Variants in DPYD observed in about 807,000 individuals in gnomAD.
DPYD encodes the protein dihydropyrimidine dehydrogenase [NADP(+)].
A neutral mutation model predicts 116.2 loss-of-function variants in DPYD; 109 were observed. The observed-to-expected ratio is 0.94, with a 90% confidence interval of 0.80 to 1.10. The LOEUF (loss-of-function observed/expected upper bound fraction) is 1.10. Among genes scored for constraint, DPYD ranks in the 50% least tolerant of loss-of-function variants. DPYD has a pLI of 0.00. For synonymous variants in DPYD, 440 were observed against 432.0 expected (o/e 1.02, Z -0.23); for missense variants, 1,302 against 1,254.5 (o/e 1.04, Z -0.57).
At chr1:97,499,808 A>G (rs1439801747) in intron 13 of DPYD, among the ~76,000 whole-genome samples, 1 of 151,950 alleles carries the variant, frequency 6.6e-6, no homozygotes, top group Non-Finnish European at 1.5e-5. Context: ...TTCAAGTTTT[A>G]TTTACACAAT....
chr1:97,650,759 T>C (rs1658535556), intron 8 of DPYD, among the ~76,000 whole-genome samples: 1 of 152,102 alleles, frequency 6.6e-6, no homozygotes, highest in African/African-American at 2.4e-5. Flanking sequence ...TTCTTTATCA[T>C]TCCTATTATG....
intron 18 of DPYD, among the ~76,000 whole-genome samples, chr1:97,251,383 ACT>A (rs1344809371): frequency 3.7e-5 from 5 of 135,510 alleles, no homozygotes; most frequent in Non-Finnish European, 7.8e-5. Flanking sequence ...CAAGAGTGAA[ACT>A]CTGTCTAAAA....
At chr1:97,209,774 T>G (rs1010971409) in intron 19 of DPYD, among the ~76,000 whole-genome samples, 1 of 152,148 alleles carries the variant, frequency 6.6e-6, no homozygotes, top group African/African-American at 2.4e-5. Context: ...TATTATAATA[T>G]CTGACAGGTC....
intron 2 of DPYD, among the ~76,000 whole-genome samples, chr1:97,877,480 C>T (rs556774203): frequency 6.6e-6 from 1 of 152,010 alleles, no homozygotes; most frequent in African/African-American, 2.4e-5. Context: ...GGTCACGTGA[C>T]TTGCATGCCT....
intron 19 of DPYD, among the ~76,000 whole-genome samples, chr1:97,203,507 T>A (rs1011850749): frequency 6.6e-6 from 1 of 150,894 alleles, no homozygotes; most frequent in Non-Finnish European, 1.5e-5. Flanking sequence ...CGGGATAGCA[T>A]TGGGAGATAT....
At chr1:97,113,198 C>A (rs868856564) in intron 20 of DPYD, among the ~76,000 whole-genome samples, 1 of 152,198 alleles carries the variant, frequency 6.6e-6, no homozygotes, top group Middle Eastern at 3.4e-3. Flanking sequence ...TATCTATATT[C>A]TACCCCAATA....
intron 18 of DPYD, among the ~76,000 whole-genome samples, chr1:97,260,415 T>C (rs894193922): frequency 6.6e-6 from 1 of 152,060 alleles, no homozygotes; most frequent in Non-Finnish European, 1.5e-5. Context: ...TATAGAGATA[T>C]AGCCAAAAAA....
intron 20 of DPYD, among the ~76,000 whole-genome samples, chr1:97,126,459 T>C (rs1242378964): frequency 1.3e-5 from 2 of 152,084 alleles, no homozygotes; most frequent in African/African-American, 4.8e-5. Context: ...TAATGTTCCA[T>C]TACATATCAT....
chr1:97,591,341 A>G (rs2102245625), intron 10 of DPYD, among the ~76,000 whole-genome samples: 1 of 152,296 alleles, frequency 6.6e-6, no homozygotes, highest in Admixed American at 6.5e-5. Flanking sequence ...TTGTTTAATT[A>G]TTGGGTATCT....
intron 14 of DPYD, among the ~76,000 whole-genome samples, chr1:97,447,018 T>G (rs1306987207): frequency 6.6e-6 from 1 of 152,078 alleles, no homozygotes; most frequent in Non-Finnish European, 1.5e-5. Context: ...CTGTGACAAT[T>G]CAGAGATGAG....
At chr1:97,296,204 T>C (rs531797584) in intron 18 of DPYD, 14 of 152,310 alleles carry the variant, frequency 9.2e-5, no homozygotes, top group South Asian at 2.1e-4. Context: ...ATTCTAATGA[T>C]TGAGTGACAA....
rs184095648 is a variant in DPYD, at chr1:97,531,001, A to G, written c.1525-15060T>C. Among the ~76,000 whole-genome samples, 402 of 151,256 alleles carry G rather than the reference A, an allele frequency of 2.7e-3. 4 individuals are homozygous for G. The highest frequency in any genetic ancestry group is 9.4e-3 in the African/African-American group (381 of 40,622). ...TGCTATTGAATTTTAAAAGTTTCTTATATTTTTTGGAAATTAACTGCTGGT... is the reference window on the plus strand; with the variant it reads ...TGCTATTGAATTTTAAAAGTTTCTTGTATTTTTTGGAAATTAACTGCTGGT... On this transcript the variant is annotated intron_variant, in intron 12 of 22. Coordinates refer to ENST00000370192, the MANE Select transcript of DPYD (RefSeq NM_000110.4).
chr1:97,446,244 C>T (rs895501721), intron 14 of DPYD, among the ~76,000 whole-genome samples: 4 of 152,084 alleles, frequency 2.6e-5, no homozygotes, highest in African/African-American at 2.4e-5. Context: ...ATTACTATAT[C>T]GTATATTTTA....
At position 97,573,835 on chromosome 1, in the gene DPYD, C is replaced by G. The variant is rs766700777; in HGVS notation, c.1264G>C (p.Asp422His). Residue 422 changes from aspartate (D) to histidine (H), a missense_variant, in exon 11 of 23, where the codon GAT becomes CAT. Coordinates refer to ENST00000370192, the MANE Select transcript of DPYD (RefSeq NM_000110.4). ...TTCAGATGGACCATCTGATCTTCAT[C>G]TTCATTCCATTTTCCAGTTTCATCT... is the stretch of plus-strand genomic sequence containing the variant. Reference protein sequence around the residue: ...EQDETGKWNEDEDQMVHLKAD... With the variant: ...EQDETGKWNEHEDQMVHLKAD... The G allele has an allele frequency of 3.1e-6, 5 of 1,613,674 alleles. No individual in the cohort carries two copies. Among genetic ancestry groups the G allele is most frequent in the Non-Finnish European group, 4.2e-6 (5 of 1,179,672 alleles).
At chr1:97,137,718 C>G (rs1653919250) in intron 20 of DPYD, among the ~76,000 whole-genome samples, 1 of 152,152 alleles carries the variant, frequency 6.6e-6, no homozygotes. Flanking sequence ...GCGCTGCAAG[C>G]AGGCCTAAAG....
At chr1:97,814,486 A>C (rs1482482962) in intron 3 of DPYD, among the ~76,000 whole-genome samples, 1 of 152,182 alleles carries the variant, frequency 6.6e-6, no homozygotes, top group Non-Finnish European at 1.5e-5. Context: ...GTAGCAGGGG[A>C]GAAACAAAAC....
chr1:97,535,296 A>C lies in DPYD; in HGVS notation c.1524+14264T>G, dbSNP rs147479894. Among the ~76,000 whole-genome samples, 815 of 152,300 alleles carry C rather than the reference A, an allele frequency of 5.4e-3. 10 individuals are homozygous for C. The highest frequency in any genetic ancestry group is 0.018 in the African/African-American group (761 of 41,572). ...ATTTTGTATTTAAATTCTCCACAGCAAACTAAAGATTTTGGGTGTTTTGTT... is the reference window on the plus strand; with the variant it reads ...ATTTTGTATTTAAATTCTCCACAGCCAACTAAAGATTTTGGGTGTTTTGTT... On this transcript the variant is annotated intron_variant, in intron 12 of 22. Coordinates refer to ENST00000370192, the MANE Select transcript of DPYD (RefSeq NM_000110.4).
intron 21 of DPYD, among the ~76,000 whole-genome samples, chr1:97,098,130 A>G (rs997846439): frequency 1.3e-5 from 2 of 152,070 alleles, no homozygotes; most frequent in African/African-American, 4.8e-5. Context: ...TTGATAATTG[A>G]GTTGTACTAC....
chr1:97,407,468 C>T (rs79213791), intron 14 of DPYD, among the ~76,000 whole-genome samples: 10 of 152,096 alleles, frequency 6.6e-5, no homozygotes, highest in South Asian at 2.1e-4. Context: ...TCTTAGGCAA[C>T]GGATGGCAAA....
Sources: allele counts gnomAD v4.1 joint callset (sites outside exome capture counted in the v4.1 genomes callset), GRCh38; gene constraint gnomAD v4.1.1; transcripts MANE v1.5; gene names NCBI Gene and HGNC (gene_info 2026-07-23, HGNC 2026-07-21).